NEK6: variants seen among roughly 807,000 people sequenced by gnomAD.
NEK6 encodes NIMA related kinase 6, also known as serine/threonine-protein kinase Nek6.
Under a neutral mutation model 43.5 loss-of-function variants are expected in NEK6, and 27 were observed. The ratio of observed to expected loss-of-function variants is 0.62; its 90% CI spans 0.46 to 0.86. NEK6 has a LOEUF of 0.86. Among genes scored for constraint, NEK6 ranks in the 40% least tolerant of loss-of-function variants. NEK6 has a pLI of 0.00. For missense variants in NEK6, 318 were observed against 414.4 expected (o/e 0.77, Z 2.02); for synonymous variants, 167 against 164.1 (o/e 1.02, Z -0.14).
At chr9:124,302,575 T>G (rs551087583) in intron 2 of NEK6, among the ~76,000 whole-genome samples, 1 of 152,262 alleles carries the variant, frequency 6.6e-6, no homozygotes, top group Admixed American at 6.5e-5. Flanking sequence ...TCTAGATACC[T>G]TGGAGAGCCA....
At chr9:124,296,835 G>A (rs80292333) in intron 1 of NEK6, among the ~76,000 whole-genome samples, 21,711 of 152,224 alleles carry the variant, frequency 0.14, 1,631 homozygotes, top group Non-Finnish European at 0.17. Flanking sequence ...CCTAGGTGAA[G>A]TTTCCAAAAA....
upstream of NEK6, chr9:124,257,762 A>T: frequency 6.6e-7 from 1 of 1,504,036 alleles, no homozygotes; most frequent in Non-Finnish European, 8.9e-7. Flanking sequence ...GAAATGGGGA[A>T]GGGGTTCCTC....
chr9:124,328,523 C>T (rs759588559), intron 7 of NEK6, among the ~76,000 whole-genome samples: 2 of 152,170 alleles, frequency 1.3e-5, no homozygotes, highest in African/African-American at 4.8e-5. Flanking sequence ...AGGAGCTGCC[C>T]GCCGCCTCCT....
intron 7 of NEK6, among the ~76,000 whole-genome samples, chr9:124,331,513 C>T (rs1034300175): frequency 7.2e-5 from 11 of 152,000 alleles, no homozygotes; most frequent in Non-Finnish European, 1.0e-4. Flanking sequence ...GGGAAGGGGT[C>T]GAGAGAGGAT....
intron 8 of NEK6, among the ~76,000 whole-genome samples, chr9:124,347,108 C>A (rs182978913): frequency 2.6e-5 from 4 of 152,210 alleles, no homozygotes; most frequent in African/African-American, 4.8e-5. Context: ...GCACCTCTAT[C>A]CAGGGGCAGG....
At position 124,343,655 on chromosome 9, in the gene NEK6, C is replaced by T. The variant is rs535741522; in HGVS notation, c.717+3990C>T. Among the ~76,000 whole-genome samples, 20 of 152,280 alleles carry T rather than the reference C, an allele frequency of 1.3e-4. No individual in the cohort carries two copies. Among genetic ancestry groups the T allele is most frequent in the South Asian group, 2.1e-4 (1 of 4,806 alleles). ...GAAAGAGGCCTCCCGCAGTCACGCC[C>T]GGAGCCTCCCGCCCCACAGCCTGTG... On this transcript the variant is annotated intron_variant, in intron 8 of 9. Coordinates refer to ENST00000320246, the MANE Select transcript of NEK6 (RefSeq NM_014397.6). The surrounding 1 kb of genome is among the most constrained non-coding windows in gnomAD (Gnocchi z 5.1).
chr9:124,323,981 C>T (rs548025808), intron 5 of NEK6, among the ~76,000 whole-genome samples: 2 of 152,132 alleles, frequency 1.3e-5, no homozygotes, highest in Admixed American at 6.5e-5. Context: ...CCCCACGCCT[C>T]GGGTCCTTCC....
At chr9:124,304,910 G>A (rs973323006) in intron 2 of NEK6, among the ~76,000 whole-genome samples, 2 of 152,228 alleles carry the variant, frequency 1.3e-5, no homozygotes, top group African/African-American at 4.8e-5. Context: ...AGCTTAAAAT[G>A]CCTCATGCTT....
At chr9:124,262,093 C>T (rs1362746643) in intron 1 of NEK6, among the ~76,000 whole-genome samples, 1 of 152,022 alleles carries the variant, frequency 6.6e-6, no homozygotes, top group African/African-American at 2.4e-5. Flanking sequence ...CACCCCCTGG[C>T]TGTCCGTGAA....
chr9:124,290,010 GA>G (rs1349475663), intron 1 of NEK6, among the ~76,000 whole-genome samples: 1 of 152,240 alleles, frequency 6.6e-6, no homozygotes, highest in Non-Finnish European at 1.5e-5. Flanking sequence ...GTTCAGTGAG[GA>G]TCCTGGTAAG....
At chr9:124,271,350 G>C (rs1011678169) in intron 1 of NEK6, among the ~76,000 whole-genome samples, 1 of 152,232 alleles carries the variant, frequency 6.6e-6, no homozygotes, top group Admixed American at 6.5e-5. Flanking sequence ...GATTCCACCA[G>C]CTGTCACGCT....
intron 1 of NEK6, among the ~76,000 whole-genome samples, chr9:124,287,207 G>A (rs960938458): frequency 3.3e-5 from 5 of 152,124 alleles, no homozygotes; most frequent in Non-Finnish European, 4.4e-5. Flanking sequence ...GACAAGACTC[G>A]AACCCAGGAT....
At chr9:124,349,925 G>A (rs558456121) in intron 9 of NEK6, among the ~76,000 whole-genome samples, 2 of 152,334 alleles carry the variant, frequency 1.3e-5, no homozygotes, top group East Asian at 3.9e-4. Context: ...GGGAGAAAAT[G>A]CCCCATCAGC....
At chr9:124,311,855 A>G (rs1409345019) in intron 2 of NEK6, among the ~76,000 whole-genome samples, 1 of 152,098 alleles carries the variant, frequency 6.6e-6, no homozygotes, top group Non-Finnish European at 1.5e-5. Context: ...ACACCCAGCT[A>G]ATTTTTATAT....
rs1448456048 is a variant in NEK6, at chr9:124,352,304, C to G, written c.*1357C>G. 1 of 152,230 alleles carries G rather than the reference C, an allele frequency of 6.6e-6. No individual in the cohort carries two copies. The highest frequency in any genetic ancestry group is 1.5e-5 in the Non-Finnish European group (1 of 68,052). The allele number at this position is 152,230 out of a possible 1,614,324, so 9.4% of individuals were successfully genotyped here. On this transcript the variant is annotated 3_prime_UTR_variant, in exon 10 of 10. Coordinates refer to ENST00000320246, the MANE Select transcript of NEK6 (RefSeq NM_014397.6). ...ACCCAGGGCCGGGCGGCTGCTGTTTCCACACGTGGACTCGGATCTGCTGTG... is the reference window on the plus strand; with the variant it reads ...ACCCAGGGCCGGGCGGCTGCTGTTTGCACACGTGGACTCGGATCTGCTGTG...
Position 124,342,414 on chromosome 9 carries a change from G to A in NEK6, c.717+2749G>A, listed in dbSNP as rs752275997. 2.8e-4 allele frequency among the ~76,000 whole-genome samples: 43 copies of A among 152,354 alleles called. 1 individual carries two copies. Among genetic ancestry groups the A allele is most frequent in the Admixed American group, 1.4e-3 (21 of 15,312 alleles). The stretch of plus-strand genomic sequence containing the variant: ...AATCCCAGCTCCAGGGCCCACCCAC[G>A]GAAGGATCCAGGCAAGTCAGCCCCT... On this transcript the variant is annotated intron_variant, in intron 8 of 9. Coordinates refer to ENST00000320246, the MANE Select transcript of NEK6 (RefSeq NM_014397.6).
At chr9:124,267,353 G>A (rs929985498) in intron 1 of NEK6, among the ~76,000 whole-genome samples, 7 of 151,970 alleles carry the variant, frequency 4.6e-5, no homozygotes, top group Non-Finnish European at 1.5e-5. Flanking sequence ...GGCTTGGCAG[G>A]TCCGGTCGAG....
At position 124,293,011 on chromosome 9, in the gene NEK6, G is replaced by T. The variant is rs753103515; in HGVS notation, c.-29-8925G>T. 4 of 1,556,340 alleles carry T rather than the reference G, an allele frequency of 2.6e-6. No individual in the cohort carries two copies. The highest frequency in any genetic ancestry group is 1.9e-5 in the Admixed American group (1 of 51,938). On this transcript the variant is annotated intron_variant, in intron 1 of 9. Transcript: ENST00000320246. Reference sequence around the variant, plus strand: ...GAGGAGCAGAGCCTGCCAAGGCCTCGAGGTGAGAGCAAGATCATTTCCCAG... The same window carrying T: ...GAGGAGCAGAGCCTGCCAAGGCCTCTAGGTGAGAGCAAGATCATTTCCCAG...
chr9:124,270,408 C>A (rs962092736), intron 1 of NEK6, among the ~76,000 whole-genome samples: 1 of 152,092 alleles, frequency 6.6e-6, no homozygotes, highest in African/African-American at 2.4e-5. Context: ...TCCCCAGGTC[C>A]CCAGAGTGGG....
Sources: allele counts gnomAD v4.1 joint callset (sites outside exome capture counted in the v4.1 genomes callset), GRCh38; gene constraint gnomAD v4.1.1; non-coding constraint Gnocchi (gnomAD v3.1); transcripts MANE v1.5; gene names NCBI Gene and HGNC (gene_info 2026-07-23, HGNC 2026-07-21).